Variants in IL20RB observed in about 807,000 individuals in gnomAD.
IL20RB encodes the protein interleukin-20 receptor subunit beta.
A neutral mutation model predicts 33.3 loss-of-function variants in IL20RB; 21 were observed. That is an observed-to-expected ratio of 0.63 (90% CI 0.45 to 0.91). The LOEUF is 0.91. Ranked by LOEUF, IL20RB falls within the 40% of genes least tolerant of loss-of-function variation. The pLI, the probability that IL20RB is intolerant of heterozygous loss-of-function variation, is 0.00. For missense variants in IL20RB, 345 were observed against 384.8 expected, an observed-to-expected ratio of 0.90 and a Z score of 0.86; for synonymous variants, 147 against 146.8, an observed-to-expected ratio of 1.00 and a Z score of -0.01.
intron 1 of IL20RB, among the ~76,000 whole-genome samples, chr3:136,958,429 A>G (rs1941102243): frequency 6.6e-6 from 1 of 152,238 alleles, no homozygotes; most frequent in Non-Finnish European, 1.5e-5. Flanking sequence ...ATCTAGAAAG[A>G]GAAATCATCA....
intron 2 of IL20RB, among the ~76,000 whole-genome samples, chr3:136,980,874 T>C (rs931364981): frequency 6.6e-6 from 1 of 152,210 alleles, no homozygotes; most frequent in African/African-American, 2.4e-5. Flanking sequence ...TGACTCTGAC[T>C]TGAGATGGAT....
chr3:136,997,962 G>A (rs1250339795), intron 6 of IL20RB, among the ~76,000 whole-genome samples: 2 of 151,772 alleles, frequency 1.3e-5, no homozygotes, highest in Non-Finnish European at 2.9e-5. Context: ...TAGAGACAGG[G>A]TTTCACCATA....
intron 1 of IL20RB, chr3:136,959,689 G>C (rs1393921802): frequency 6.6e-6 from 1 of 152,162 alleles, no homozygotes; most frequent in Admixed American, 6.5e-5. Flanking sequence ...AGGTGAGTGT[G>C]CACTTCTGAC....
chr3:137,004,412 T>G (rs921993839), intron 6 of IL20RB, among the ~76,000 whole-genome samples: 1 of 152,126 alleles, frequency 6.6e-6, no homozygotes, highest in South Asian at 2.1e-4. Context: ...TTTTTGGTTG[T>G]TAGGCTATTA....
intron 5 of IL20RB, among the ~76,000 whole-genome samples, chr3:136,995,029 C>A (rs1260757356): frequency 6.6e-6 from 1 of 152,236 alleles, no homozygotes; most frequent in Admixed American, 6.5e-5. Flanking sequence ...TACCGCCCAG[C>A]CCCATTCTGT....
rs561273107 is a variant in IL20RB, at chr3:136,991,889, C to T, written c.532-49C>T. 9.0e-5 allele frequency: 143 copies of T among 1,593,814 alleles called. 1 individual carries two copies. In the Middle Eastern group the frequency reaches 1.8e-3, roughly 21 times the overall value. On this transcript the variant is annotated intron_variant, in intron 4 of 6. Transcript: ENST00000329582. ...GCTCCCAAAGTGCTGGGATTATAGG[C>T]GTGAGCCACCGCACTTGGCCAATAA...
chr3:136,995,671 C>G lies in IL20RB; in HGVS notation c.825+115C>G, dbSNP rs1035679758. 5.4e-6 allele frequency: 5 copies of G among 932,288 alleles called. No homozygotes were observed. The Admixed American group carries it at 1.1e-4, about 20-fold the overall frequency. 57.8% of individuals were successfully genotyped at this position (932,288 alleles called of 1,614,324 possible). ...TCTATCATGAGATTATAGGCATCTGCACAGAGAGGGGAGAGGAATACTTAT... is the reference window on the plus strand; with the variant it reads ...TCTATCATGAGATTATAGGCATCTGGACAGAGAGGGGAGAGGAATACTTAT... On this transcript the variant is annotated intron_variant, in intron 6 of 6. Coordinates refer to ENST00000329582, the MANE Select transcript of IL20RB (RefSeq NM_144717.4).
At chr3:136,999,673 A>G (rs1471616214) in intron 6 of IL20RB, among the ~76,000 whole-genome samples, 2 of 152,180 alleles carry the variant, frequency 1.3e-5, no homozygotes, top group African/African-American at 4.8e-5. Flanking sequence ...TTTTATAAAA[A>G]ACTTCTTTTC....
At chr3:136,969,700 A>G (rs538381872) in intron 1 of IL20RB, among the ~76,000 whole-genome samples, 33 of 152,190 alleles carry the variant, frequency 2.2e-4, no homozygotes, top group Admixed American at 1.9e-3. Context: ...GCTGTTCACC[A>G]GAGCTGTTCC....
intron 1 of IL20RB, among the ~76,000 whole-genome samples, chr3:136,960,546 A>G (rs1350922591): frequency 6.6e-6 from 1 of 152,234 alleles, no homozygotes; most frequent in Non-Finnish European, 1.5e-5. Flanking sequence ...AATAATCACA[A>G]TGACAATCAC....
At chr3:137,001,802 G>T (rs1942249058) in intron 6 of IL20RB, among the ~76,000 whole-genome samples, 1 of 151,990 alleles carries the variant, frequency 6.6e-6, no homozygotes, top group African/African-American at 2.4e-5. Flanking sequence ...TATACTTTAA[G>T]TTCTAGGGTA....
At chr3:137,009,912 C>T (rs970723830) in intron 6 of IL20RB, among the ~76,000 whole-genome samples, 1 of 151,920 alleles carries the variant, frequency 6.6e-6, no homozygotes, top group Non-Finnish European at 1.5e-5. Flanking sequence ...AGCAGGGCTT[C>T]AAGGGAACTG....
intron 1 of IL20RB, among the ~76,000 whole-genome samples, chr3:136,961,370 A>G (rs1941212339): frequency 6.6e-6 from 1 of 152,004 alleles, no homozygotes; most frequent in Non-Finnish European, 1.5e-5. Flanking sequence ...GTGGTTCCCA[A>G]CCTCAAATGC....
rs1027298709 is a variant in IL20RB at position 136,996,616 on chromosome 3, ACT to A, written c.825+1063_825+1064del. 1.2e-3 allele frequency among the ~76,000 whole-genome samples: 190 copies of A among 152,120 alleles called. 1 individual carries two copies. Among genetic ancestry groups the A allele is most frequent in the African/African-American group, 3.6e-3 (150 of 41,494 alleles). On this transcript the variant is annotated intron_variant, in intron 6 of 6. Transcript: ENST00000329582. ...AATTCAGTCTTCAGGACACCCCTCC[ACT>A]CTGTTATCCTAATGCCAGATCTCCC...
chr3:136,999,420 T>C (rs1427753405), intron 6 of IL20RB, among the ~76,000 whole-genome samples: 1 of 152,148 alleles, frequency 6.6e-6, no homozygotes, highest in Non-Finnish European at 1.5e-5. Context: ...TATTTTTTTG[T>C]AGTGATGGGG....
At chr3:137,001,599 A>G (rs1299962503) in intron 6 of IL20RB, among the ~76,000 whole-genome samples, 2 of 152,206 alleles carry the variant, frequency 1.3e-5, no homozygotes, top group Non-Finnish European at 2.9e-5. Context: ...GAAAATTACC[A>G]ATCAGAAATC....
intron 1 of IL20RB, among the ~76,000 whole-genome samples, chr3:136,971,330 C>T (rs1283454639): frequency 6.6e-6 from 1 of 152,122 alleles, no homozygotes; most frequent in Non-Finnish European, 1.5e-5. Flanking sequence ...GGGATTTCAC[C>T]ATGTTGGCCA....
chr3:137,001,522 C>T (rs1455876920), intron 6 of IL20RB, among the ~76,000 whole-genome samples: 1 of 152,152 alleles, frequency 6.6e-6, no homozygotes, highest in East Asian at 1.9e-4. Context: ...AGATACTACC[C>T]CAAACTATTA....
intron 3 of IL20RB, among the ~76,000 whole-genome samples, chr3:136,987,856 C>A (rs879817431): frequency 2.0e-5 from 3 of 152,156 alleles, no homozygotes; most frequent in East Asian, 3.9e-4. Context: ...TTGCCGGGGC[C>A]GGCAGGGCCG....
Sources: gnomAD v4.1 joint callset for allele counts (sites outside exome capture counted in the v4.1 genomes callset) on GRCh38, gnomAD v4.1.1 for gene constraint, MANE v1.5 for transcripts, NCBI Gene and HGNC (gene_info 2026-07-23, HGNC 2026-07-21) for gene names.